The following NBR1 variants were observed in gnomAD, a reference collection of about 807,000 sequenced individuals.
NBR1 encodes the protein next to BRCA1 gene 1 protein.
NBR1 carries 59 observed loss-of-function variants against 115.5 expected under a neutral mutation model. The ratio of observed to expected loss-of-function variants is 0.51; its 90% CI spans 0.41 to 0.63. The LOEUF (loss-of-function observed/expected upper bound fraction) is 0.63. Among genes scored for constraint, NBR1 ranks in the 30% least tolerant of loss-of-function variants. NBR1 has a pLI of 0.00. For missense variants in NBR1, 1,043 were observed against 1,150.5 expected (o/e 0.91, Z 1.35); for synonymous variants, 373 against 414.7 (o/e 0.90, Z 1.22).
At chr17:43,203,994 G>A (rs182442215) in intron 20 of NBR1, among the ~76,000 whole-genome samples, 7 of 150,060 alleles carry the variant, frequency 4.7e-5, no homozygotes, top group African/African-American at 1.7e-4. Flanking sequence ...CTGGGGTGCA[G>A]TGGCGCGATC....
At chr17:43,174,448 A>C (rs60068962) in intron 1 of NBR1, among the ~76,000 whole-genome samples, 5 of 151,928 alleles carry the variant, frequency 3.3e-5, no homozygotes, top group Admixed American at 1.3e-4. Flanking sequence ...ATACAAAAAA[A>C]TTAGCCAGGC....
At chr17:43,199,355 G>T (rs543539111) in intron 16 of NBR1, among the ~76,000 whole-genome samples, 1 of 151,416 alleles carries the variant, frequency 6.6e-6, no homozygotes, top group South Asian at 2.1e-4. Flanking sequence ...GATTTTAGGC[G>T]TAAGCCACCA....
rs1487060673 is a variant in NBR1 at position 43,196,533 on chromosome 17, G to A, written c.1803G>A (p.Lys601=). The stretch of plus-strand genomic sequence containing the variant: ...CACATGACAGTCCTTTAATAGAGAA[G>A]CCAGGCTTGGGGCAGATAGAGGAAG... ...PLPHDSPLIE[K]PGLGQIEEEN... The change falls in exon 15 of 21, where the codon AAG becomes AAA. Residue 601 remains lysine, a synonymous_variant. Transcript: ENST00000590996. The A allele has an allele frequency of 1.2e-6, 2 of 1,606,324 alleles. No homozygotes were observed. The highest frequency in any genetic ancestry group is 1.7e-6 in the Non-Finnish European group (2 of 1,177,484).
intron 14 of NBR1, 55 bp downstream of exon 14, chr17:43,195,094 C>A: frequency 7.3e-7 from 1 of 1,371,594 alleles, no homozygotes; most frequent in Non-Finnish European, 1.0e-6. Context: ...ACAAAAGTAC[C>A]ACAGCCTAGA....
At position 43,175,851 on chromosome 17, in the gene NBR1, T is replaced by G; in HGVS notation, c.52T>G (p.Phe18Val). ...NVTFKNEIQS[F>V]LVSDPENTTW... is the part of the protein sequence containing the mutation. ...GACTTTTAAAAATGAAATTCAAAGC[T>G]TTCTGGTTTCTGATCCAGAAAATAC... The change falls in exon 2 of 21, where the codon TTT becomes GTT. Residue 18 changes from phenylalanine to valine, a missense_variant. Transcript: ENST00000590996. The G allele has an allele frequency of 6.2e-7, 1 of 1,607,086 alleles. No individual in the cohort carries two copies. Among genetic ancestry groups the G allele is most frequent in the Non-Finnish European group, 8.5e-7 (1 of 1,175,578 alleles).
chr17:43,175,889 T>C lies in NBR1; in HGVS notation c.90T>C (p.Asp30=). The C allele has an allele frequency of 6.3e-7, 1 of 1,581,836 alleles. No individual in the cohort carries two copies. Among genetic ancestry groups the C allele is most frequent in the South Asian group, 1.1e-5 (1 of 89,520 alleles). ...VSDPENTTWA[D]IEAMVKVSFD... Reference sequence around the variant, plus strand: ...ATCCAGAAAATACAACTTGGGCTGATATCGAAGCTATGGTGAGTGTTACTT... The same window carrying C: ...ATCCAGAAAATACAACTTGGGCTGACATCGAAGCTATGGTGAGTGTTACTT... Residue 30 remains aspartate, a synonymous_variant, in exon 2 of 21, where the codon GAT becomes GAC. Coordinates refer to ENST00000590996, the MANE Select transcript of NBR1 (RefSeq NM_005899.5).
chr17:43,209,450 T>G lies in NBR1; in HGVS notation c.2728-451T>G, dbSNP rs145986422. On this transcript the variant is annotated intron_variant, in intron 20 of 20. Coordinates refer to ENST00000590996, the MANE Select transcript of NBR1 (RefSeq NM_005899.5). ...TTGTAATTTCCCAAGCTGTTTTTTT[T>G]GTCCAGCTCCTCTGCATATCTGACA... 4.0e-4 allele frequency: 341 copies of G among 847,556 alleles called. 3 individuals are homozygous for G. The East Asian group carries it at 7.8e-3, about 19-fold the overall frequency. 52.5% of individuals were successfully genotyped at this position (847,556 alleles called of 1,614,324 possible).
In NBR1 at chr17:43,200,422, A is replaced by G; in HGVS notation, c.2282A>G (p.Glu761Gly). The G allele has an allele frequency of 6.2e-7, 1 of 1,610,072 alleles. No individual in the cohort carries two copies. The highest frequency in any genetic ancestry group is 8.5e-7 in the Non-Finnish European group (1 of 1,178,200). ...YSSALSQPGLERGAEGKPGVE... is the reference protein window; with the variant it reads ...YSSALSQPGLGRGAEGKPGVE... ...TCTGCGCTCTCACAGCCAGGCCTGG[A>G]GCGAGGTGCTGAAGGCAAGCCTGGG... The change falls in exon 17 of 21, where the codon GAG becomes GGG. Residue 761 changes from glutamate to glycine, a missense_variant. Glu to Gly is a moderately conservative substitution (Grantham distance 98). Transcript: ENST00000590996.
Position 43,189,914 on chromosome 17 carries a change from A to T in NBR1, c.695+112A>T, listed in dbSNP as rs8069921. Reference sequence around the variant, plus strand: ...ATTGTACCCTGTTTCTGAGCATTAGATGTTGTAGCTGTGAGTTGGAAGCAC... The same window carrying T: ...ATTGTACCCTGTTTCTGAGCATTAGTTGTTGTAGCTGTGAGTTGGAAGCAC... On this transcript the variant is annotated intron_variant, in intron 8 of 20. Coordinates refer to ENST00000590996, the MANE Select transcript of NBR1 (RefSeq NM_005899.5). The T allele has an allele frequency of 3.4e-6, 3 of 892,010 alleles. No individual in the cohort carries two copies. In the East Asian group the frequency reaches 7.3e-5, roughly 22 times the overall value. The allele number at this position is 892,010 out of a possible 1,614,324, so 55.3% of individuals were successfully genotyped here.
At position 43,189,131 on chromosome 17, in the gene NBR1, G is replaced by T. The variant is rs1328406398; in HGVS notation, c.480+12G>T. 6.3e-7 allele frequency: 1 copy of T among 1,594,086 alleles called. No homozygotes were observed. Among genetic ancestry groups the T allele is most frequent in the Admixed American group, 1.7e-5 (1 of 59,966 alleles). On this transcript the variant is annotated intron_variant, in intron 7 of 20. Coordinates refer to ENST00000590996, the MANE Select transcript of NBR1 (RefSeq NM_005899.5). ...GCTACCTGGAGACGGTGAGTGTTCTGTCTCGCTTGGGTTTTAACTGCGGTG... is the reference window on the plus strand; with the variant it reads ...GCTACCTGGAGACGGTGAGTGTTCTTTCTCGCTTGGGTTTTAACTGCGGTG...
chr17:43,209,311 C>T (rs2057373335), intron 20 of NBR1, among the ~76,000 whole-genome samples: 1 of 152,024 alleles, frequency 6.6e-6, no homozygotes, highest in Admixed American at 6.6e-5. Flanking sequence ...CTCCTGACCT[C>T]ATGATCCGCC....
chr17:43,197,200 C>T, intron 16 of NBR1, 94 bp downstream of exon 16: 1 of 1,182,150 alleles, frequency 8.5e-7, no homozygotes, highest in East Asian at 2.4e-5. Flanking sequence ...TTCACTGAGA[C>T]TGAAGGGAGA....
chr17:43,206,308 G>C (rs2057316685), intron 20 of NBR1, among the ~76,000 whole-genome samples: 1 of 152,086 alleles, frequency 6.6e-6, no homozygotes, highest in South Asian at 2.1e-4. Context: ...TGATTGACAT[G>C]ATGAGATCTG....
At chr17:43,177,703 G>A (rs765898384) in intron 2 of NBR1, among the ~76,000 whole-genome samples, 6 of 151,756 alleles carry the variant, frequency 4.0e-5, no homozygotes, top group African/African-American at 7.3e-5. Flanking sequence ...GTCTTCTGAT[G>A]TATTTGTTAG....
intron 17 of NBR1, 117 bp downstream of exon 17, chr17:43,200,725 C>A: frequency 1.2e-6 from 1 of 839,166 alleles, no homozygotes; most frequent in Non-Finnish European, 1.8e-6. Flanking sequence ...TTTTCCATAG[C>A]AAAGTCTGAA....
chr17:43,186,454 G>C lies in NBR1; in HGVS notation c.402+10G>C. On this transcript the variant is annotated intron_variant, in intron 6 of 20. Transcript: ENST00000590996. ...GGATCCTGCAGTGCAGGTATGAAGG[G>C]TATGGCCCAGTCTATCCAATATCGT... 2.0e-6 allele frequency: 3 copies of C among 1,525,358 alleles called. No homozygotes were observed. The highest frequency in any genetic ancestry group is 2.6e-6 in the Non-Finnish European group (3 of 1,142,736). 94.5% of individuals were successfully genotyped at this position (1,525,358 alleles called of 1,614,324 possible).
chr17:43,203,895 C>CCTG, intron 20 of NBR1, 109 bp downstream of exon 20: 1 of 566,398 alleles, frequency 1.8e-6, no homozygotes, highest in Admixed American at 3.3e-5. Flanking sequence ...AGGGCATAGG[C>CCTG]TTTAGATTTA....
At chr17:43,200,716 T>A in intron 17 of NBR1, 108 bp downstream of exon 17, 1 of 928,018 alleles carries the variant, frequency 1.1e-6, no homozygotes, top group Non-Finnish European at 1.6e-6. Context: ...AAGAGACTAT[T>A]TTCCATAGCA....
intron 16 of NBR1, among the ~76,000 whole-genome samples, chr17:43,197,465 G>A (rs761978718): frequency 1.7e-4 from 25 of 151,412 alleles, no homozygotes; most frequent in Non-Finnish European, 3.7e-4. Context: ...CTTGCAGTGA[G>A]CCAAGATTGC....
Sources: gnomAD v4.1 joint callset for allele counts (sites outside exome capture counted in the v4.1 genomes callset) on GRCh38, gnomAD v4.1.1 for gene constraint, MANE v1.5 for transcripts, NCBI Gene and HGNC (gene_info 2026-07-23, HGNC 2026-07-21) for gene names.